Variants in CFAP299 observed in about 807,000 individuals in gnomAD.
CFAP299 encodes cilia- and flagella-associated protein 299.
In CFAP299, 21 loss-of-function variants were observed where a neutral mutation model predicts 27.0. That is an observed-to-expected ratio of 0.78 (90% CI 0.55 to 1.12). The LOEUF (loss-of-function observed/expected upper bound fraction) is 1.12, where lower values mean the gene tolerates loss of function less well. CFAP299 is among the 50% of genes most tolerant of loss of function. CFAP299 has a pLI of 0.00. For synonymous variants in CFAP299, 104 were observed against 98.1 expected (o/e 1.06, Z -0.36); for missense variants, 310 against 276.6 (o/e 1.12, Z -0.86).
chr4:80,518,004 G>A (rs1196548796), intron 2 of CFAP299, among the ~76,000 whole-genome samples: 2 of 152,116 alleles, frequency 1.3e-5, no homozygotes, highest in Non-Finnish European at 2.9e-5. Flanking sequence ...ATGGGAAGCT[G>A]TGTTTCTTTG....
chr4:80,346,389 A>G (rs1264232952), intron 1 of CFAP299, among the ~76,000 whole-genome samples: 2 of 152,154 alleles, frequency 1.3e-5, no homozygotes, highest in Non-Finnish European at 2.9e-5. Flanking sequence ...GTTTTCTTCC[A>G]GGGTTTTTCT....
intron 3 of CFAP299, among the ~76,000 whole-genome samples, chr4:80,748,357 C>T (rs1164198404): frequency 6.6e-6 from 1 of 152,030 alleles, no homozygotes; most frequent in Non-Finnish European, 1.5e-5. Flanking sequence ...CTTGCTTAAA[C>T]CTTGAAATAA....
In CFAP299 at chr4:80,468,073, A is replaced by T. The variant is rs117588943; in HGVS notation, c.242+105189A>T. Among the ~76,000 whole-genome samples the T allele has an allele frequency of 8.5e-5, 13 of 152,370 alleles. No individual in the cohort carries two copies. The East Asian group carries it at 1.3e-3, about 16-fold the overall frequency. ...AGAGCCAAACCATCCCTATCAGTGG[A>T]TGAAAGTAAATTTATAGAAAGTAAG... On this transcript the variant is annotated intron_variant, in intron 2 of 5. Coordinates refer to ENST00000358105, the MANE Select transcript of CFAP299 (RefSeq NM_152770.3).
chr4:80,932,140 G>T (rs1487247466), intron 4 of CFAP299, among the ~76,000 whole-genome samples: 1 of 152,080 alleles, frequency 6.6e-6, no homozygotes, highest in Non-Finnish European at 1.5e-5. Flanking sequence ...ACATTCTGTA[G>T]CTTCAATTTT....
chr4:80,346,654 A>G (rs1489009347), intron 1 of CFAP299, among the ~76,000 whole-genome samples: 2 of 152,312 alleles, frequency 1.3e-5, no homozygotes, highest in East Asian at 1.9e-4. Flanking sequence ...TGGTACCAGT[A>G]CCATGCTGTT....
chr4:80,586,321 A>G lies in CFAP299; in HGVS notation c.333+3138A>G, dbSNP rs185022405. On this transcript the variant is annotated intron_variant, in intron 3 of 5. Coordinates refer to ENST00000358105, the MANE Select transcript of CFAP299 (RefSeq NM_152770.3). Reference sequence around the variant, plus strand: ...CTATAATTGTGAATAAAATAGATATAGAAAATATGCAATACTTTTGCTGCT... The same window carrying G: ...CTATAATTGTGAATAAAATAGATATGGAAAATATGCAATACTTTTGCTGCT... Among the ~76,000 whole-genome samples the G allele has an allele frequency of 2.3e-3, 355 of 152,266 alleles. 2 individuals are homozygous for G. The highest frequency in any genetic ancestry group is 4.2e-3 in the Non-Finnish European group (288 of 67,990).
intron 2 of CFAP299, among the ~76,000 whole-genome samples, chr4:80,410,031 G>A (rs1726641579): frequency 6.6e-6 from 1 of 152,180 alleles, no homozygotes; most frequent in Non-Finnish European, 1.5e-5. Context: ...CTAAGAGAGT[G>A]CTCAGTGGGA....
chr4:80,450,072 A>G (rs1433422663), intron 2 of CFAP299, among the ~76,000 whole-genome samples: 1 of 152,176 alleles, frequency 6.6e-6, no homozygotes, highest in Non-Finnish European at 1.5e-5. Context: ...TATTGGCACA[A>G]TGTTTTTCCA....
intron 3 of CFAP299, among the ~76,000 whole-genome samples, chr4:80,603,436 A>C (rs1452528072): frequency 6.6e-6 from 1 of 152,176 alleles, no homozygotes; most frequent in Non-Finnish European, 1.5e-5. Flanking sequence ...ATATACATGC[A>C]CACACGCACA....
At chr4:80,458,905 A>T (rs1002334203) in intron 2 of CFAP299, among the ~76,000 whole-genome samples, 2 of 152,080 alleles carry the variant, frequency 1.3e-5, no homozygotes, top group Admixed American at 6.6e-5. Context: ...CCCAGGACTA[A>T]AACCAGGCAG....
intron 2 of CFAP299, among the ~76,000 whole-genome samples, chr4:80,508,740 C>G (rs1310691754): frequency 6.6e-6 from 1 of 152,074 alleles, no homozygotes; most frequent in Non-Finnish European, 1.5e-5. Context: ...AAATTTCTTG[C>G]AGAGACCAGG....
intron 3 of CFAP299, among the ~76,000 whole-genome samples, chr4:80,827,140 G>C (rs1168105932): frequency 1.3e-5 from 2 of 151,704 alleles, no homozygotes; most frequent in Non-Finnish European, 3.0e-5. Context: ...AACCAAAGGA[G>C]AGTTCATATA....
intron 1 of CFAP299, among the ~76,000 whole-genome samples, chr4:80,360,677 T>C (rs576822812): frequency 6.6e-6 from 1 of 152,350 alleles, no homozygotes; most frequent in Admixed American, 6.5e-5. Context: ...GCCTTCTGAT[T>C]GTTATAGGTT....
At chr4:80,937,355 T>G (rs1335450277) in intron 4 of CFAP299, among the ~76,000 whole-genome samples, 1 of 141,146 alleles carries the variant, frequency 7.1e-6, no homozygotes, top group Non-Finnish European at 1.5e-5. Context: ...CTCACTCTGT[T>G]TCCCAAGCTG....
At chr4:80,565,988 T>G (rs1375165882) in intron 2 of CFAP299, among the ~76,000 whole-genome samples, 1 of 152,070 alleles carries the variant, frequency 6.6e-6, no homozygotes, top group Non-Finnish European at 1.5e-5. Context: ...TGCACCCTCA[T>G]GACATCTACC....
At chr4:80,943,304 ACAAT>A (rs2110229569) in intron 4 of CFAP299, among the ~76,000 whole-genome samples, 1 of 152,364 alleles carries the variant, frequency 6.6e-6, no homozygotes, top group Middle Eastern at 3.4e-3. Context: ...TATGATCTAT[ACAAT>A]CAATCATTTC....
intron 2 of CFAP299, among the ~76,000 whole-genome samples, chr4:80,403,253 C>A (rs1402781676): frequency 1.3e-5 from 2 of 152,058 alleles, no homozygotes; most frequent in African/African-American, 4.8e-5. Flanking sequence ...AAGCTCACAA[C>A]AATAAATAAA....
intron 3 of CFAP299, among the ~76,000 whole-genome samples, chr4:80,752,388 C>G (rs1724983275): frequency 6.9e-6 from 1 of 144,910 alleles, no homozygotes; most frequent in African/African-American, 2.5e-5. Context: ...TCATTGTACT[C>G]TAAATATATA....
intron 2 of CFAP299, among the ~76,000 whole-genome samples, chr4:80,412,771 C>T (rs1415970086): frequency 1.3e-5 from 2 of 152,176 alleles, no homozygotes; most frequent in African/African-American, 4.8e-5. Context: ...CACACACACA[C>T]ATACCTATTC....
Sources: allele counts gnomAD v4.1 joint callset (sites outside exome capture counted in the v4.1 genomes callset), GRCh38; gene constraint gnomAD v4.1.1; transcripts MANE v1.5; gene names NCBI Gene and HGNC (gene_info 2026-07-23, HGNC 2026-07-21).